The following NPAS3 variants were observed in gnomAD, a reference collection of about 807,000 sequenced individuals.
The protein encoded by NPAS3 is neuronal PAS domain protein 3, also known as neuronal PAS domain-containing protein 3.
NPAS3 carries 14 observed loss-of-function variants against 73.1 expected under a neutral mutation model. That is an observed-to-expected ratio of 0.19 (90% CI 0.13 to 0.30). The LOEUF is 0.30. Among genes scored for constraint, NPAS3 ranks in the 10% least tolerant of loss-of-function variants. The pLI is 1.00. For synonymous variants in NPAS3, 620 were observed against 541.5 expected, an observed-to-expected ratio of 1.14 and a Z score of -2.01; for missense variants, 1,096 against 1,250.0, an observed-to-expected ratio of 0.88 and a Z score of 1.86.
chr14:33,488,389 A>C (rs1350044167), intron 4 of NPAS3, among the ~76,000 whole-genome samples: 1 of 151,996 alleles, frequency 6.6e-6, no homozygotes, highest in Non-Finnish European at 1.5e-5. Context: ...AAAGCATGCA[A>C]GTGCTTTTAC....
chr14:33,243,983 G>A (rs1351463532), intron 3 of NPAS3, among the ~76,000 whole-genome samples: 1 of 152,110 alleles, frequency 6.6e-6, no homozygotes, highest in Non-Finnish European at 1.5e-5. Context: ...ATAAAATAAT[G>A]TGAAAGCTTC....
At chr14:33,301,389 C>A (rs991904632) in intron 3 of NPAS3, among the ~76,000 whole-genome samples, 1 of 146,030 alleles carries the variant, frequency 6.8e-6, no homozygotes, top group Non-Finnish European at 1.5e-5. Flanking sequence ...GGAGCAGGGG[C>A]CTCCAAGCCT....
chr14:33,149,793 T>A (rs1417596206), intron 2 of NPAS3, among the ~76,000 whole-genome samples: 2 of 152,174 alleles, frequency 1.3e-5, no homozygotes, highest in Non-Finnish European at 2.9e-5. Context: ...TCAGCATTTT[T>A]TTATTATTAT....
intron 4 of NPAS3, among the ~76,000 whole-genome samples, chr14:33,397,255 G>A (rs530692809): frequency 9.5e-4 from 145 of 152,262 alleles, no homozygotes; most frequent in African/African-American, 3.4e-3. Flanking sequence ...CAGAAAGATT[G>A]AGTTTCCACT....
chr14:33,620,318 C>A (rs1169980346), intron 5 of NPAS3, among the ~76,000 whole-genome samples: 1 of 152,134 alleles, frequency 6.6e-6, no homozygotes, highest in Admixed American at 6.6e-5. Context: ...GTTCCAAGTT[C>A]CTTACATTTT....
chr14:33,488,696 T>C (rs2051736171), intron 4 of NPAS3, among the ~76,000 whole-genome samples: 2 of 152,104 alleles, frequency 1.3e-5, no homozygotes, highest in African/African-American at 2.4e-5. Context: ...TGCCTATGAG[T>C]TGGATGTTAG....
chr14:33,567,809 G>C (rs1354500092), intron 5 of NPAS3, among the ~76,000 whole-genome samples: 2 of 152,184 alleles, frequency 1.3e-5, no homozygotes, highest in Non-Finnish European at 2.9e-5. Context: ...CAGGTCTTCA[G>C]AGTAGACCAC....
chr14:33,369,300 C>T (rs984132122), intron 4 of NPAS3, among the ~76,000 whole-genome samples: 2 of 144,184 alleles, frequency 1.4e-5, no homozygotes, highest in Non-Finnish European at 1.5e-5. Context: ...AACTAGAAAT[C>T]ATATTACGTG....
intron 3 of NPAS3, among the ~76,000 whole-genome samples, chr14:33,299,568 C>T (rs1208656276): frequency 6.8e-6 from 1 of 146,888 alleles, no homozygotes. Context: ...CTGCATAAAA[C>T]CCTATCTGAA....
Position 33,170,742 on chromosome 14 carries a change from G to A in NPAS3, c.141-44440G>A, listed in dbSNP as rs569106889. On this transcript the variant is annotated intron_variant, in intron 2 of 11. Coordinates refer to ENST00000356141, the Ensembl canonical transcript of NPAS3. Reference sequence around the variant, plus strand: ...ACTCCTCATCTGTTTAAGTGTGATCGTGAGATTACAGTAGTTCAGTCACAT... The same window carrying A: ...ACTCCTCATCTGTTTAAGTGTGATCATGAGATTACAGTAGTTCAGTCACAT... Among the ~76,000 whole-genome samples, 9 of 152,246 alleles carry A rather than the reference G, an allele frequency of 5.9e-5. 1 individual carries two copies. The South Asian group carries it at 1.9e-3, about 32-fold the overall frequency.
Position 32,992,600 on chromosome 14 carries a change from G to A in NPAS3, c.50+53234G>A, listed in dbSNP as rs1334307271. ...TAGTTATTGATGTTTTGGAAGTGTA[G>A]GAGAAAGTAAGTAATCAGGGAGTAT... On this transcript the variant is annotated intron_variant, in intron 1 of 11. Transcript: ENST00000356141. 3.3e-5 allele frequency among the ~76,000 whole-genome samples: 5 copies of A among 152,188 alleles called. No homozygotes were observed. In the East Asian group the frequency reaches 7.8e-4, roughly 24 times the overall value.
At chr14:33,197,393 G>A (rs1270698170) in intron 2 of NPAS3, among the ~76,000 whole-genome samples, 1 of 152,020 alleles carries the variant, frequency 6.6e-6, no homozygotes, top group Non-Finnish European at 1.5e-5. Context: ...GACTAGAATG[G>A]TGCCATTCTG....
At chr14:33,071,571 A>G (rs1231329186) in intron 2 of NPAS3, among the ~76,000 whole-genome samples, 1 of 152,196 alleles carries the variant, frequency 6.6e-6, no homozygotes, top group Non-Finnish European at 1.5e-5. Context: ...CTTCCTACCC[A>G]TATTCTAGAG....
intron 3 of NPAS3, among the ~76,000 whole-genome samples, chr14:33,362,384 T>C (rs2045643640): frequency 6.6e-6 from 1 of 152,202 alleles, no homozygotes; most frequent in Admixed American, 6.5e-5. Flanking sequence ...ACATACCTCA[T>C]GAACTTCTGG....
At chr14:33,007,688 A>G (rs886307428) in intron 1 of NPAS3, among the ~76,000 whole-genome samples, 2 of 152,236 alleles carry the variant, frequency 1.3e-5, no homozygotes, top group Admixed American at 6.5e-5. Context: ...AACAAAAGAA[A>G]AATTTCAGAG....
At chr14:33,586,775 C>A (rs1031446092) in intron 5 of NPAS3, among the ~76,000 whole-genome samples, 3 of 152,148 alleles carry the variant, frequency 2.0e-5, no homozygotes, top group African/African-American at 4.8e-5. Flanking sequence ...TTTGGCATTG[C>A]TGGGCCATTG....
intron 3 of NPAS3, among the ~76,000 whole-genome samples, chr14:33,281,640 T>A (rs970437834): frequency 2.6e-5 from 4 of 151,980 alleles, no homozygotes; most frequent in South Asian, 2.1e-4. Flanking sequence ...TCAAAAAAAA[T>A]TTTTTTTCTG....
rs567847459 is a variant in NPAS3 at position 33,241,651 on chromosome 14, T to C, written c.385+26225T>C. ...CCTCTGTACGAGACAAATGGAACAT[T>C]ATTGGCTTATGGGCTGTAGTAAATA... On this transcript the variant is annotated intron_variant, in intron 3 of 11. Coordinates refer to ENST00000356141, the Ensembl canonical transcript of NPAS3. 2.6e-5 allele frequency among the ~76,000 whole-genome samples: 4 copies of C among 152,106 alleles called. No homozygotes were observed. In the East Asian group the frequency reaches 7.7e-4, roughly 29 times the overall value.
chr14:33,793,648 C>T (rs932700546), intron 9 of NPAS3, among the ~76,000 whole-genome samples: 1 of 152,124 alleles, frequency 6.6e-6, no homozygotes, highest in African/African-American at 2.4e-5. Context: ...CTTTTCACAC[C>T]ATGGCTGCCC....
Sources: allele counts gnomAD v4.1 joint callset (sites outside exome capture counted in the v4.1 genomes callset), GRCh38; gene constraint gnomAD v4.1.1; transcripts MANE v1.5; gene names NCBI Gene and HGNC (gene_info 2026-07-23, HGNC 2026-07-21).